Variants in MID1 observed in about 807,000 individuals in gnomAD.
MID1 encodes E3 ubiquitin-protein ligase Midline-1.
A neutral mutation model predicts 40.4 loss-of-function variants in MID1; 7 were observed. The ratio of observed to expected loss-of-function variants is 0.17; its 90% CI spans 0.10 to 0.33. The LOEUF (loss-of-function observed/expected upper bound fraction) is 0.33, where lower values mean the gene tolerates loss of function less well. Ranked by LOEUF, MID1 falls within the 10% of genes least tolerant of loss-of-function variation. The probability of loss-of-function intolerance (pLI) is 1.00; values close to 1 mark genes in which losing one functional copy is unlikely to be tolerated. For missense variants in MID1, 367 were observed against 558.5 expected, an observed-to-expected ratio of 0.66 and a Z score of 3.46; for synonymous variants, 229 against 221.2, an observed-to-expected ratio of 1.04 and a Z score of -0.31.
chrX:10,573,801 C>T (rs866563480), intron 1 of MID1, among the ~76,000 whole-genome samples: 24 of 111,975 alleles, frequency 2.1e-4, no homozygotes, highest in African/African-American at 7.5e-4. Context: ...CCAAGATGGT[C>T]GAGAACCCCT....
chrX:10,529,780 A>T (rs1156920611), intron 2 of MID1, among the ~76,000 whole-genome samples: 1 of 112,002 alleles, frequency 8.9e-6, no homozygotes, highest in Non-Finnish European at 1.9e-5. Context: ...CACAGGATGT[A>T]TTGAGTACTT....
chrX:10,819,634 T>A (rs1268793156), intron 1 of MID1, among the ~76,000 whole-genome samples: 2 of 111,804 alleles, frequency 1.8e-5, no homozygotes, highest in Non-Finnish European at 3.8e-5. Flanking sequence ...CACCTCCATA[T>A]TTGTTCTTTC....
At chrX:10,758,233 C>G (rs1030237573) in intron 1 of MID1, among the ~76,000 whole-genome samples, 21 of 108,555 alleles carry the variant, frequency 1.9e-4, no homozygotes, top group Non-Finnish European at 3.6e-4. Context: ...TCTCAGCCTC[C>G]CAAAGTACTG....
chrX:10,579,782 G>T (rs1024103443), intron 1 of MID1, among the ~76,000 whole-genome samples: 2 of 108,237 alleles, frequency 1.8e-5, no homozygotes, highest in African/African-American at 6.8e-5. Flanking sequence ...TCTGCAGTCA[G>T]GGGAAGAAGT....
At chrX:10,504,171 T>C (rs1277665909) in intron 3 of MID1, among the ~76,000 whole-genome samples, 1 of 111,795 alleles carries the variant, frequency 8.9e-6, no homozygotes, top group Non-Finnish European at 1.9e-5. Context: ...TATTGCTTAC[T>C]AGTTGTATGT....
At chrX:10,673,406 C>A (rs1352607695) in intron 1 of MID1, among the ~76,000 whole-genome samples, 2 of 111,959 alleles carry the variant, frequency 1.8e-5, no homozygotes, top group African/African-American at 6.5e-5. Flanking sequence ...TGGCCAGAAA[C>A]CAAACTAAAC....
intron 2 of MID1, among the ~76,000 whole-genome samples, chrX:10,529,988 A>C (rs1932917419): frequency 8.9e-6 from 1 of 112,142 alleles, no homozygotes; most frequent in Non-Finnish European, 1.9e-5. Flanking sequence ...GCTAAACAAC[A>C]GAAGTCTTCC....
intron 1 of MID1, among the ~76,000 whole-genome samples, chrX:10,592,928 C>A (rs912982966): frequency 7.1e-5 from 8 of 111,998 alleles, no homozygotes; most frequent in Non-Finnish European, 1.5e-4. Context: ...AATTTCAAAT[C>A]TTATTTTTCC....
chrX:10,609,537 C>T (rs1935690103), intron 1 of MID1, among the ~76,000 whole-genome samples: 1 of 110,089 alleles, frequency 9.1e-6, no homozygotes, highest in African/African-American at 3.3e-5. Context: ...AGGAATCAAC[C>T]CAAGGTCACA....
At position 10,612,087 on chromosome X, in the gene MID1, A is replaced by G. The variant is rs1389317718; in HGVS notation, c.-57+8203T>C. Among the ~76,000 whole-genome samples, 5 of 112,153 alleles carry G rather than the reference A, an allele frequency of 4.5e-5. No homozygotes were observed. The Admixed American group carries it at 4.7e-4, about 11-fold the overall frequency. On this transcript the variant is annotated intron_variant, in intron 1 of 9. Coordinates refer to ENST00000317552, the MANE Select transcript of MID1 (RefSeq NM_000381.4). The stretch of plus-strand genomic sequence containing the variant: ...ATGTAGTTTATATGTGAACCATTCA[A>G]TTCTGACAGCTGAAATGTTAGAAAG...
At chrX:10,592,849 C>T (rs183061589) in intron 1 of MID1, among the ~76,000 whole-genome samples, 134 of 111,827 alleles carry the variant, frequency 1.2e-3, no homozygotes, top group African/African-American at 4.2e-3. Context: ...AACATTTCTA[C>T]AATGCTTGAG....
chrX:10,558,817 C>T (rs1934223986), intron 2 of MID1, among the ~76,000 whole-genome samples: 1 of 112,680 alleles, frequency 8.9e-6, no homozygotes, highest in Admixed American at 9.4e-5. Context: ...AGAACGTTAA[C>T]AAGGTGCCCA....
intron 3 of MID1, among the ~76,000 whole-genome samples, chrX:10,508,462 T>C (rs527262993): frequency 1.8e-5 from 2 of 112,607 alleles, no homozygotes; most frequent in South Asian, 7.4e-4. Context: ...ATGTGATTAC[T>C]TGAAAATTTT....
chrX:10,718,444 C>T lies in MID1; in HGVS notation c.-186-98025G>A, dbSNP rs866080830. Reference sequence around the variant, plus strand: ...CTCTATGCAAATAAACTAGAAAATCCGGAAGAAATGGATAAATTCCTTGAC... The same window carrying T: ...CTCTATGCAAATAAACTAGAAAATCTGGAAGAAATGGATAAATTCCTTGAC... On this transcript the variant is annotated intron_variant, in intron 1 of 10. Transcript: ENST00000380785. Among the ~76,000 whole-genome samples, 454 of 111,562 alleles carry T rather than the reference C, an allele frequency of 4.1e-3. 5 individuals carry two copies. Among genetic ancestry groups the T allele is most frequent in the African/African-American group, 0.014 (433 of 30,721 alleles).
intron 1 of MID1, among the ~76,000 whole-genome samples, chrX:10,629,071 T>C (rs946883165): frequency 3.6e-5 from 4 of 111,304 alleles, no homozygotes; most frequent in African/African-American, 1.3e-4. Context: ...TCAATGGGGG[T>C]GATGGAATTT....
chrX:10,449,797 G>T, intron 9 of MID1, 81 bp from the exon 10 acceptor site: 1 of 723,717 alleles, frequency 1.4e-6, no homozygotes. Context: ...GTCCTCAGGG[G>T]TTATAAAAAC....
At chrX:10,774,163 C>A (rs757329778) in intron 1 of MID1, among the ~76,000 whole-genome samples, 1 of 110,873 alleles carries the variant, frequency 9.0e-6, no homozygotes, top group South Asian at 3.9e-4. Flanking sequence ...CAAAATTGTA[C>A]CAACAAGAAG....
At chrX:10,780,740 C>A (rs2043839713) in intron 1 of MID1, among the ~76,000 whole-genome samples, 1 of 111,838 alleles carries the variant, frequency 8.9e-6, no homozygotes, top group South Asian at 3.7e-4. Flanking sequence ...GGTCCCCAAA[C>A]TTCTTGGCAC....
chrX:10,657,175 T>C, intron 1 of MID1, among the ~76,000 whole-genome samples: 1 of 111,284 alleles, frequency 9.0e-6, no homozygotes, highest in Non-Finnish European at 1.9e-5. Context: ...GAGGAGTATG[T>C]TTTCCACTGG....
Sources: allele counts gnomAD v4.1 joint callset (sites outside exome capture counted in the v4.1 genomes callset), GRCh38; gene constraint gnomAD v4.1.1; transcripts MANE v1.5; gene names NCBI Gene and HGNC (gene_info 2026-07-23, HGNC 2026-07-21).